Variants in CAPN1 observed in about 807,000 individuals in gnomAD.
CAPN1 encodes calpain-1 catalytic subunit.
CAPN1 carries 77 observed loss-of-function variants against 105.2 expected under a neutral mutation model. The observed-to-expected ratio is 0.73, with a 90% CI of 0.61 to 0.88. The LOEUF (loss-of-function observed/expected upper bound fraction) is 0.88. Ranked by LOEUF, CAPN1 falls within the 40% of genes least tolerant of loss-of-function variation. CAPN1 has a pLI of 0.00. For missense variants in CAPN1, 833 were observed against 976.6 expected, an observed-to-expected ratio of 0.85 and a Z score of 1.96; for synonymous variants, 355 against 388.8, an observed-to-expected ratio of 0.91 and a Z score of 1.02.
At position 65,190,711 on chromosome 11, in the gene CAPN1, TG is replaced by T. The variant is rs372368623; in HGVS notation, c.1165+1966del. On this transcript the variant is annotated intron_variant, in intron 10 of 21. Coordinates refer to ENST00000279247, the MANE Select transcript of CAPN1 (RefSeq NM_005186.4). ...TGTTTTTTTTGTTGTTGGTTTTTTTTGTTTTTGTTTTTGTTTTTTGAGACGG... is the reference window on the plus strand; with the variant it reads ...TGTTTTTTTTGTTGTTGGTTTTTTTTTTTTTGTTTTTGTTTTTTGAGACGG... 1.2e-3 allele frequency among the ~76,000 whole-genome samples: 71 copies of T among 60,788 alleles called. 1 individual carries two copies. Among genetic ancestry groups the T allele is most frequent in the Non-Finnish European group, 2.4e-3 (53 of 22,248 alleles). 39.9% of individuals were successfully genotyped at this position (60,788 alleles called of 152,430 possible). A position where few individuals can be genotyped will look rare whatever the true frequency, so the allele number is the denominator to read the frequency against.
At chr11:65,185,560 C>T (rs145674751) in intron 4 of CAPN1, among the ~76,000 whole-genome samples, 3 of 151,746 alleles carry the variant, frequency 2.0e-5, no homozygotes, top group Non-Finnish European at 4.4e-5. Context: ...GTTTGCAGAC[C>T]CTCTGAACAG....
At position 65,188,431 on chromosome 11, in the gene CAPN1, A is replaced by G. The variant is rs766943429; in HGVS notation, c.947A>G (p.Asn316Ser). ...CCTCACAGCTCCTCAGAGTGGAACA[A>G]CGTGGACCCATATGAACGGGACCAG... ...AWSDSSSEWNNVDPYERDQLR... is the reference protein window; with the variant it reads ...AWSDSSSEWNSVDPYERDQLR... The change falls in exon 9 of 22, where the codon AAC becomes AGC. Residue 316 changes from asparagine (N) to serine (S), a missense_variant. Asn to Ser is a conservative substitution (Grantham distance 46). Coordinates refer to ENST00000279247, the MANE Select transcript of CAPN1 (RefSeq NM_005186.4). This position sits in a 1 kb window ranked among gnomAD's most constrained non-coding sequence, Gnocchi z 5.5. 6.2e-7 allele frequency: 1 copy of G among 1,612,468 alleles called. No individual in the cohort carries two copies. The highest frequency in any genetic ancestry group is 8.5e-7 in the Non-Finnish European group (1 of 1,179,290).
chr11:65,184,769 C>T (rs1208987279), intron 4 of CAPN1, among the ~76,000 whole-genome samples: 3 of 152,114 alleles, frequency 2.0e-5, no homozygotes, highest in Non-Finnish European at 4.4e-5. Context: ...TTCCGGAAAG[C>T]CCAGGCCCCA....
intron 13 of CAPN1, 23 bp downstream of exon 13, chr11:65,206,697 C>T (rs754552461): frequency 6.2e-7 from 1 of 1,610,684 alleles, no homozygotes; most frequent in Non-Finnish European, 8.5e-7. Flanking sequence ...CTGGCCCCTG[C>T]CACTCTCCCC....
intron 14 of CAPN1, among the ~76,000 whole-genome samples, chr11:65,207,105 G>A (rs75002429): frequency 2.0e-5 from 3 of 151,828 alleles, no homozygotes; most frequent in Non-Finnish European, 4.4e-5. Context: ...CCCTGTCCGG[G>A]TCTTGTTACC....
chr11:65,206,799 C>T lies in CAPN1; in HGVS notation c.1585C>T (p.Gln529Ter). Residue 529 changes from glutamine to a stop codon, truncating the protein, a stop_gained, in exon 14 of 22, where the codon CAG becomes TAG. Coordinates refer to ENST00000279247, the MANE Select transcript of CAPN1 (RefSeq NM_005186.4). LOFTEE classifies it high-confidence loss of function. Reference sequence around the variant, plus strand: ...CTGCAGGGAGCTGGATGACCAGATCCAGGCCAATCTCCCCGATGAGGTGCG... The same window carrying T: ...CTGCAGGGAGCTGGATGACCAGATCTAGGCCAATCTCCCCGATGAGGTGCG... ...AGTVELDDQI[Q>*]ANLPDEQVLS... The T allele has an allele frequency of 1.2e-6, 2 of 1,612,788 alleles. No homozygotes were observed. The highest frequency in any genetic ancestry group is 1.7e-6 in the Non-Finnish European group (2 of 1,179,524).
Position 65,186,062 on chromosome 11 carries a change from C to T in CAPN1, c.590+12C>T. 1.2e-6 allele frequency: 2 copies of T among 1,610,682 alleles called. No individual in the cohort carries two copies. Among genetic ancestry groups the T allele is most frequent in the Non-Finnish European group, 1.7e-6 (2 of 1,178,398 alleles). On this transcript the variant is annotated intron_variant, in intron 5 of 21. Transcript: ENST00000279247. ...AAGGCCTATGCCAAGTGAGTAGCGGCTGAGGGGGCAACTCCAGCTTCCAGC... is the reference window on the plus strand; with the variant it reads ...AAGGCCTATGCCAAGTGAGTAGCGGTTGAGGGGGCAACTCCAGCTTCCAGC...
Position 65,210,624 on chromosome 11 carries a change from G to A in CAPN1, c.2059+172G>A, listed in dbSNP as rs116551479. Among the ~76,000 whole-genome samples the A allele has an allele frequency of 1.8e-3, 267 of 152,262 alleles. No individual in the cohort carries two copies. Among genetic ancestry groups the A allele is most frequent in the African/African-American group, 6.3e-3 (260 of 41,540 alleles). Reference sequence around the variant, plus strand: ...GCCCTGGCTGAGTGCCAGGAGAGTCGGGGAGGGAGGGAGTTGACAGTGGCT... The same window carrying A: ...GCCCTGGCTGAGTGCCAGGAGAGTCAGGGAGGGAGGGAGTTGACAGTGGCT... On this transcript the variant is annotated intron_variant, in intron 20 of 21. Coordinates refer to ENST00000279247, the MANE Select transcript of CAPN1 (RefSeq NM_005186.4). The surrounding 1 kb of genome is among the most constrained non-coding windows in gnomAD (Gnocchi z 4.3).
intron 10 of CAPN1, among the ~76,000 whole-genome samples, chr11:65,193,003 C>T (rs1948739499): frequency 6.8e-6 from 1 of 148,094 alleles, no homozygotes; most frequent in Non-Finnish European, 1.5e-5. Flanking sequence ...TTTTTTGAGA[C>T]AGAGTCTTGC....
At position 65,204,838 on chromosome 11, in the gene CAPN1, A is replaced by G. The variant is rs1287284305; in HGVS notation, c.1321A>G (p.Ile441Val). ...ERRFGRDMET[I>V]GFAVYEVPPE... Reference sequence around the variant, plus strand: ...CCGCTTCGGCCGCGACATGGAGACTATTGGCTTCGCGGTCTACGAGGTCAG... The same window carrying G: ...CCGCTTCGGCCGCGACATGGAGACTGTTGGCTTCGCGGTCTACGAGGTCAG... The change falls in exon 11 of 22, where the codon ATT becomes GTT. Residue 441 changes from isoleucine (I) to valine (V), a missense_variant. Coordinates refer to ENST00000279247, the MANE Select transcript of CAPN1 (RefSeq NM_005186.4). The G allele has an allele frequency of 6.2e-7, 1 of 1,609,970 alleles. No homozygotes were observed.
Position 65,209,314 on chromosome 11 carries a change from T to G in CAPN1, c.1730-9T>G. On this transcript the variant is annotated splice_polypyrimidine_tract_variant and intron_variant, in intron 16 of 21. Coordinates refer to ENST00000279247, the MANE Select transcript of CAPN1 (RefSeq NM_005186.4). The surrounding 1 kb of genome is among the most constrained non-coding windows in gnomAD (Gnocchi z 4.1). ...TAGGTGGAGATGTTGGAATTGGTTT[T>G]TCTTGCAGACAAAGACCTGCGGACC... The G allele has an allele frequency of 6.2e-7, 1 of 1,612,916 alleles. No homozygotes were observed. Among genetic ancestry groups the G allele is most frequent in the East Asian group, 2.2e-5 (1 of 44,850 alleles).
chr11:65,208,558 G>A lies in CAPN1; in HGVS notation c.1729+296G>A, dbSNP rs1948998525. 8.1e-6 allele frequency: 4 copies of A among 490,916 alleles called. No homozygotes were observed. The highest frequency in any genetic ancestry group is 2.1e-5 in the South Asian group (1 of 48,124). The allele number at this position is 490,916 out of a possible 1,614,324, so 30.4% of individuals were successfully genotyped here. A position where few individuals can be genotyped will look rare whatever the true frequency, so the allele number is the denominator to read the frequency against. ...ACTCTGGGAGGCCGAGGCAGGAGTC[G>A]CTTCAGCCCAGGAGTTCAACACCAG... On this transcript the variant is annotated intron_variant, in intron 16 of 21. Coordinates refer to ENST00000279247, the MANE Select transcript of CAPN1 (RefSeq NM_005186.4). The surrounding 1 kb of genome is among the most constrained non-coding windows in gnomAD (Gnocchi z 4.1).
At position 65,183,548 on chromosome 11, in the gene CAPN1, G is replaced by T; in HGVS notation, c.412G>T (p.Gly138Cys). The T allele has an allele frequency of 6.2e-7, 1 of 1,613,882 alleles. No individual in the cohort carries two copies. The highest frequency in any genetic ancestry group is 8.5e-7 in the Non-Finnish European group (1 of 1,179,806). ...DTLLHRVVPH[G>C]QSFQNGYAGI... Reference sequence around the variant, plus strand: ...CCTCCTGCACCGAGTGGTTCCGCACGGCCAGAGCTTCCAGAATGGCTATGC... The same window carrying T: ...CCTCCTGCACCGAGTGGTTCCGCACTGCCAGAGCTTCCAGAATGGCTATGC... The change falls in exon 4 of 22, where the codon GGC becomes TGC. Residue 138 changes from glycine (G) to cysteine (C), a missense_variant. Coordinates refer to ENST00000279247, the MANE Select transcript of CAPN1 (RefSeq NM_005186.4).
intron 10 of CAPN1, among the ~76,000 whole-genome samples, chr11:65,199,241 T>G (rs1373542820): frequency 6.6e-6 from 1 of 152,222 alleles, no homozygotes; most frequent in Non-Finnish European, 1.5e-5. Context: ...GACAGTTCTC[T>G]GGATATAGAA....
At position 65,186,333 on chromosome 11, in the gene CAPN1, A is replaced by G. The variant is rs1948633259; in HGVS notation, c.754A>G (p.Ile252Val). The change falls in exon 6 of 22, where the codon ATA becomes GTA. Residue 252 changes from isoleucine (I) to valine (V), a missense_variant. Physicochemically the swap from Ile to Val is conservative, Grantham distance 29. Transcript: ENST00000279247. ...GCGGGGCTCCCTGCTGGGCTGCTCC[A>G]TAGACGTGAGTGTGCCCGGCCCCGA... is the stretch of plus-strand genomic sequence containing the variant. ...LERGSLLGCS[I>V]DISSVLDMEA... 6.2e-7 allele frequency: 1 copy of G among 1,610,844 alleles called. No individual in the cohort carries two copies. The highest frequency in any genetic ancestry group is 1.3e-5 in the African/African-American group (1 of 74,944).
intron 10 of CAPN1, among the ~76,000 whole-genome samples, chr11:65,190,820 C>T (rs964840208): frequency 1.4e-4 from 22 of 151,924 alleles, no homozygotes; most frequent in Non-Finnish European, 2.4e-4. Context: ...TCAGATGATG[C>T]TTCTGCCTCA....
intron 4 of CAPN1, 85 bp downstream of exon 4, chr11:65,183,677 A>G: frequency 1.1e-6 from 1 of 904,128 alleles, no homozygotes. Flanking sequence ...TTAGGGCCAC[A>G]CCCTGTGGGG....
Position 65,210,552 on chromosome 11 carries a change from C to A in CAPN1, c.2059+100C>A. The A allele has an allele frequency of 1.2e-6, 1 of 800,202 alleles. No homozygotes were observed. Among genetic ancestry groups the A allele is most frequent in the Non-Finnish European group, 2.1e-6 (1 of 471,270 alleles). The allele number at this position is 800,202 out of a possible 1,614,324, so 49.6% of individuals were successfully genotyped here. On this transcript the variant is annotated intron_variant, in intron 20 of 21. Coordinates refer to ENST00000279247, the MANE Select transcript of CAPN1 (RefSeq NM_005186.4). This position sits in a 1 kb window ranked among gnomAD's most constrained non-coding sequence, Gnocchi z 4.3. ...GATGGGTGAATTAGCAGATACAGGC[C>A]AGTGCTGTGGGTGTGTGCCAGAGAG...
Position 65,209,201 on chromosome 11 carries a change from C to A in CAPN1, c.1730-122C>A. The A allele has an allele frequency of 1.4e-6, 1 of 719,408 alleles. No individual in the cohort carries two copies. Among genetic ancestry groups the A allele is most frequent in the Non-Finnish European group, 2.5e-6 (1 of 397,428 alleles). The allele number at this position is 719,408 out of a possible 1,614,324, so 44.6% of individuals were successfully genotyped here. On this transcript the variant is annotated intron_variant, in intron 16 of 21. Transcript: ENST00000279247. The surrounding 1 kb of genome is among the most constrained non-coding windows in gnomAD (Gnocchi z 4.1). ...AAACAATCCTGCCCACTTCCTCTGC[C>A]AGATATTGCACCCACTCGTCAGGAT... is the stretch of plus-strand genomic sequence containing the variant.
Sources: gnomAD v4.1 joint callset for allele counts (sites outside exome capture counted in the v4.1 genomes callset) on GRCh38, gnomAD v4.1.1 for gene constraint, Gnocchi (gnomAD v3.1) non-coding constraint, MANE v1.5 for transcripts, NCBI Gene and HGNC (gene_info 2026-07-23, HGNC 2026-07-21) for gene names.